The following PAPPA2 variants were observed in gnomAD, a reference collection of about 807,000 sequenced individuals.
The protein encoded by PAPPA2 is pappalysin-2.
Under a neutral mutation model 176.4 loss-of-function variants are expected in PAPPA2, and 86 were observed. That is an observed-to-expected ratio of 0.49 (90% confidence interval 0.41 to 0.58). PAPPA2 has a LOEUF of 0.58. Among genes scored for constraint, PAPPA2 ranks in the 20% least tolerant of loss-of-function variants. PAPPA2 has a pLI of 0.00. For missense variants in PAPPA2, 2,073 were observed against 2,256.9 expected, an observed-to-expected ratio of 0.92 and a Z score of 1.65; for synonymous variants, 809 against 852.2, an observed-to-expected ratio of 0.95 and a Z score of 0.88.
At chr1:176,484,105 A>G (rs1342494868) in intron 1 of PAPPA2, among the ~76,000 whole-genome samples, 1 of 152,308 alleles carries the variant, frequency 6.6e-6, no homozygotes, top group East Asian at 1.9e-4. Context: ...AGACACTGGC[A>G]TTGTCTCCTG....
chr1:176,805,991 C>CA (rs11439850), intron 21 of PAPPA2, among the ~76,000 whole-genome samples: 44,668 of 76,534 alleles, frequency 0.58, 12,850 homozygotes, highest in East Asian at 0.7. Flanking sequence ...CTGTCTCTCT[C>CA]AAAAAAAAAA....
At chr1:176,788,069 A>G (rs1665020831) in intron 17 of PAPPA2, among the ~76,000 whole-genome samples, 1 of 152,114 alleles carries the variant, frequency 6.6e-6, no homozygotes, top group Non-Finnish European at 1.5e-5. Context: ...TCAGAAAAAA[A>G]AAGAAAAAGA....
chr1:176,594,758 T>A lies in PAPPA2; in HGVS notation c.1154T>A (p.Val385Glu). 3.1e-6 allele frequency: 5 copies of A among 1,614,192 alleles called. No homozygotes were observed. The South Asian group carries it at 3.3e-5, about 11-fold the overall frequency. ...HMALYVDGTQ[V>E]ASSLDQSGPL... ...GCCCTGTATGTGGATGGCACTCAGG[T>A]GGCTAGCAGTCTAGACCAGTCTGGT... is the stretch of plus-strand genomic sequence containing the variant. Residue 385 changes from valine (V) to glutamate (E), a missense_variant, in exon 3 of 23, where the codon GTG (valine) becomes GAG (glutamate). This residue lies in a region of PAPPA2 where 1,196 missense variants were observed against 1,330.4 expected (regional missense o/e 0.90). Coordinates refer to ENST00000367662, the MANE Select transcript of PAPPA2 (RefSeq NM_020318.3).
chr1:176,486,206 A>G (rs1652638383), intron 1 of PAPPA2, among the ~76,000 whole-genome samples: 1 of 152,232 alleles, frequency 6.6e-6, no homozygotes, highest in South Asian at 2.1e-4. Context: ...TCTCTTGTTT[A>G]TCAATTGCCT....
rs1027292246 is a variant in PAPPA2, at chr1:176,556,381, G to C, written c.59G>C (p.Cys20Ser). The C allele has an allele frequency of 2.5e-6, 4 of 1,614,088 alleles. No homozygotes were observed. In the African/African-American group the frequency reaches 5.3e-5, roughly 22 times the overall value. The change falls in exon 2 of 23, where the codon TGT becomes TCT. Residue 20 changes from cysteine to serine, a missense_variant. Coordinates refer to ENST00000367662, the MANE Select transcript of PAPPA2 (RefSeq NM_020318.3). ...GCGATTTTGGCTGGGTGGGCACTCT[G>C]TTCTGCCAACTCTGAGCTGGGCTGG... ...SLAILAGWAL[C>S]SANSELGWTR...
intron 1 of PAPPA2, among the ~76,000 whole-genome samples, chr1:176,511,517 G>T (rs1223648625): frequency 6.6e-6 from 1 of 152,180 alleles, no homozygotes; most frequent in African/African-American, 2.4e-5. Flanking sequence ...GTCTTAACTG[G>T]TTGTGATAAT....
chr1:176,514,950 G>A (rs1046877712), intron 1 of PAPPA2, among the ~76,000 whole-genome samples: 4 of 152,144 alleles, frequency 2.6e-5, no homozygotes, highest in Non-Finnish European at 5.9e-5. Context: ...AGCTCCTAGT[G>A]TATATTAAGC....
intron 14 of PAPPA2, among the ~76,000 whole-genome samples, chr1:176,744,099 CCAAA>C (rs1422961413): frequency 2.0e-5 from 3 of 152,050 alleles, no homozygotes; most frequent in East Asian, 1.9e-4. Flanking sequence ...CCCTTGTATT[CCAAA>C]CAGTTTTTGA....
chr1:176,826,398 C>A (rs1279883156), intron 21 of PAPPA2, among the ~76,000 whole-genome samples: 1 of 152,114 alleles, frequency 6.6e-6, no homozygotes. Context: ...TGCAGTCAAT[C>A]AGTGATGAGT....
rs1362352172 is a variant in PAPPA2, at chr1:176,844,471, T to C, written c.*2017T>C. 6.6e-6 allele frequency: 1 copy of C among 152,128 alleles called. No homozygotes were observed. The highest frequency in any genetic ancestry group is 2.4e-5 in the African/African-American group (1 of 41,430). The allele number at this position is 152,128 out of a possible 1,614,324, so 9.4% of individuals were successfully genotyped here. On this transcript the variant is annotated 3_prime_UTR_variant, in exon 23 of 23. Transcript: ENST00000367662. Reference sequence around the variant, plus strand: ...TTGTGGAATGAGGGTTGCAAAGTTATTGGGAAAAGGAAAGAGCAGAGTTCA... The same window carrying C: ...TTGTGGAATGAGGGTTGCAAAGTTACTGGGAAAAGGAAAGAGCAGAGTTCA...
At chr1:176,657,709 T>C (rs1298040440) in intron 3 of PAPPA2, among the ~76,000 whole-genome samples, 1 of 151,984 alleles carries the variant, frequency 6.6e-6, no homozygotes, top group Non-Finnish European at 1.5e-5. Flanking sequence ...TGGGTGGGAA[T>C]TTTAGGCCTG....
rs555396438 is a variant in PAPPA2, at chr1:176,701,166, C to T, written c.3237-1441C>T. Among the ~76,000 whole-genome samples, 8 of 152,184 alleles carry T rather than the reference C, an allele frequency of 5.3e-5. No homozygotes were observed. In the South Asian group the frequency reaches 8.3e-4, roughly 16 times the overall value. On this transcript the variant is annotated intron_variant, in intron 8 of 22. Transcript: ENST00000367662. The stretch of plus-strand genomic sequence containing the variant: ...TTCAATAGCTAGTAAATAGCAAAAT[C>T]GGAATTAAAATCCAATTTTTCAACT...
chr1:176,763,299 C>A (rs1487602019), intron 14 of PAPPA2, among the ~76,000 whole-genome samples: 1 of 152,150 alleles, frequency 6.6e-6, no homozygotes, highest in East Asian at 1.9e-4. Flanking sequence ...TCTTGCTAGT[C>A]TTCCATACTA....
chr1:176,730,646 C>T, intron 12 of PAPPA2, among the ~76,000 whole-genome samples: 1 of 146,046 alleles, frequency 6.8e-6, no homozygotes. Flanking sequence ...TTCATTATTT[C>T]CTGGCTTTTT....
intron 3 of PAPPA2, among the ~76,000 whole-genome samples, chr1:176,670,308 A>G (rs1457745669): frequency 1.3e-5 from 2 of 152,208 alleles, no homozygotes; most frequent in Admixed American, 6.5e-5. Flanking sequence ...AGTGCTTTCA[A>G]AGTCACCAAT....
At chr1:176,718,718 A>C (rs1343639691) in intron 12 of PAPPA2, among the ~76,000 whole-genome samples, 1 of 151,676 alleles carries the variant, frequency 6.6e-6, no homozygotes, top group African/African-American at 2.4e-5. Flanking sequence ...TAAAAAAAAA[A>C]AACATAGCTA....
At chr1:176,568,544 T>C (rs1161760598) in intron 2 of PAPPA2, among the ~76,000 whole-genome samples, 4 of 152,210 alleles carry the variant, frequency 2.6e-5, no homozygotes, top group African/African-American at 9.6e-5. Context: ...CACTATCTTT[T>C]ATCTCAGGAG....
At chr1:176,780,263 C>T (rs1664653554) in intron 17 of PAPPA2, among the ~76,000 whole-genome samples, 2 of 152,124 alleles carry the variant, frequency 1.3e-5, no homozygotes, top group African/African-American at 2.4e-5. Flanking sequence ...ATAACAATAC[C>T]TGGAGGAATT....
chr1:176,563,147 T>C (rs1411732764), intron 2 of PAPPA2, among the ~76,000 whole-genome samples: 1 of 152,132 alleles, frequency 6.6e-6, no homozygotes, highest in Non-Finnish European at 1.5e-5. Context: ...ATAGACAAAA[T>C]AGAAATTTAG....
Sources: allele counts gnomAD v4.1 joint callset (sites outside exome capture counted in the v4.1 genomes callset), GRCh38; gene constraint gnomAD v4.1.1; regional missense constraint gnomAD v4.1.1; transcripts MANE v1.5; gene names NCBI Gene and HGNC (gene_info 2026-07-23, HGNC 2026-07-21).